Variants in ABRAXAS2 observed in about 807,000 individuals in gnomAD.
The protein encoded by ABRAXAS2 is abraxas 2, BRISC complex subunit, also known as BRISC complex subunit Abraxas 2.
ABRAXAS2 carries 23 observed loss-of-function variants against 49.0 expected under a neutral mutation model. The ratio of observed to expected loss-of-function variants is 0.47; its 90% CI spans 0.34 to 0.66. The LOEUF (loss-of-function observed/expected upper bound fraction) is 0.66, where lower values mean the gene tolerates loss of function less well. Ranked by LOEUF, ABRAXAS2 falls within the 30% of genes least tolerant of loss-of-function variation. The pLI, the probability that ABRAXAS2 is intolerant of heterozygous loss-of-function variation, is 0.01. For synonymous variants in ABRAXAS2, 168 were observed against 180.2 expected (o/e 0.93, Z 0.54); for missense variants, 443 against 511.9 (o/e 0.87, Z 1.30).
At chr10:124,818,858 G>A (rs1950842676) in intron 3 of ABRAXAS2, among the ~76,000 whole-genome samples, 1 of 152,190 alleles carries the variant, frequency 6.6e-6, no homozygotes, top group African/African-American at 2.4e-5. Context: ...TTTGGAGGAA[G>A]TCACTTGGCC....
chr10:124,828,039 A>G (rs1356628710), intron 5 of ABRAXAS2, among the ~76,000 whole-genome samples: 1 of 152,212 alleles, frequency 6.6e-6, no homozygotes, highest in Admixed American at 6.5e-5. Context: ...TTTACTTTAC[A>G]GAAGGGAAAA....
chr10:124,804,333 A>G (rs1431947527), intron 1 of ABRAXAS2, among the ~76,000 whole-genome samples: 1 of 152,250 alleles, frequency 6.6e-6, no homozygotes, highest in Non-Finnish European at 1.5e-5. Flanking sequence ...TATTTATAGT[A>G]TAAGTATATC....
chr10:124,808,022 C>G (rs1394571301), intron 2 of ABRAXAS2, among the ~76,000 whole-genome samples: 2 of 152,172 alleles, frequency 1.3e-5, no homozygotes, highest in African/African-American at 4.8e-5. Flanking sequence ...ATGAAGGAGT[C>G]TTTATAGCTA....
At chr10:124,804,968 C>T (rs532808509) in intron 1 of ABRAXAS2, among the ~76,000 whole-genome samples, 1 of 152,054 alleles carries the variant, frequency 6.6e-6, no homozygotes, top group South Asian at 2.1e-4. Flanking sequence ...CCCACCTTGG[C>T]CTCCCAAAGT....
intron 1 of ABRAXAS2, among the ~76,000 whole-genome samples, chr10:124,806,574 A>C (rs1303625286): frequency 6.6e-6 from 1 of 152,186 alleles, no homozygotes; most frequent in Non-Finnish European, 1.5e-5. Flanking sequence ...GATGAAATTC[A>C]CTCTTCCAAA....
chr10:124,818,398 CAAA>C (rs754223417), intron 3 of ABRAXAS2, among the ~76,000 whole-genome samples: 19 of 59,790 alleles, frequency 3.2e-4, no homozygotes, highest in African/African-American at 7.0e-4. Flanking sequence ...TCCATCTCAA[CAAA>C]AAAAAAAAAA....
rs565878814 is a variant in ABRAXAS2, at chr10:124,832,869, C to T, written c.778+1406C>T. Among the ~76,000 whole-genome samples, 34 of 148,250 alleles carry T rather than the reference C, an allele frequency of 2.3e-4. No individual in the cohort carries two copies. In the East Asian group the frequency reaches 5.1e-3, roughly 22 times the overall value. ...AAAAAATAAAATAAAATAAAGAGGCCGGGCATGCTGGCTCACACGTGTAAT... is the reference window on the plus strand; with the variant it reads ...AAAAAATAAAATAAAATAAAGAGGCTGGGCATGCTGGCTCACACGTGTAAT... On this transcript the variant is annotated intron_variant, in intron 8 of 8. Transcript: ENST00000298492.
intron 8 of ABRAXAS2, 96 bp downstream of exon 8, chr10:124,831,559 C>T (rs1950932851): frequency 9.5e-6 from 6 of 629,688 alleles, no homozygotes; most frequent in Non-Finnish European, 1.6e-5. Context: ...TCTTTCTACG[C>T]TCATCCAGTC....
intron 2 of ABRAXAS2, among the ~76,000 whole-genome samples, chr10:124,809,327 T>C (rs553914341): frequency 1.3e-5 from 2 of 152,120 alleles, no homozygotes; most frequent in Non-Finnish European, 2.9e-5. Flanking sequence ...TCTGGCTCTG[T>C]TGCCCAGGCT....
chr10:124,834,695 C>A lies in ABRAXAS2; in HGVS notation c.972C>A (p.Arg324=), dbSNP rs1453717631. Residue 324 remains arginine, a synonymous_variant, in exon 9 of 9, where the codon CGC becomes CGA. Transcript: ENST00000298492. ...AAGAAAGTACTTTGAGCCACTCTCG[C>A]ATGGAAAGGAGTGTCTTTATGCCTC... ...NNQESTLSHS[R]MERSVFMPRP... 3 of 1,614,034 alleles carry A rather than the reference C, an allele frequency of 1.9e-6. No homozygotes were observed. In the East Asian group the frequency reaches 6.7e-5, roughly 36 times the overall value.
intron 1 of ABRAXAS2, among the ~76,000 whole-genome samples, chr10:124,803,752 T>G (rs539623770): frequency 1.3e-5 from 2 of 152,216 alleles, no homozygotes; most frequent in East Asian, 3.9e-4. Context: ...AAATATAAAA[T>G]TAGCCAGGCG....
intron 4 of ABRAXAS2, among the ~76,000 whole-genome samples, chr10:124,825,989 G>C (rs553026223): frequency 6.6e-6 from 1 of 152,282 alleles, no homozygotes; most frequent in East Asian, 1.9e-4. Context: ...ATTATGAGAA[G>C]TATTCTTCCA....
At chr10:124,806,224 T>A (rs1178058065) in intron 1 of ABRAXAS2, among the ~76,000 whole-genome samples, 3 of 150,902 alleles carry the variant, frequency 2.0e-5, no homozygotes, top group Non-Finnish European at 4.4e-5. Flanking sequence ...GAGAATGGCA[T>A]GAACCCGGAA....
chr10:124,806,057 T>C (rs1950740119), intron 1 of ABRAXAS2, among the ~76,000 whole-genome samples: 1 of 152,088 alleles, frequency 6.6e-6, no homozygotes, highest in Non-Finnish European at 1.5e-5. Context: ...TCCCAGCACT[T>C]TGGGAGGCCC....
intron 2 of ABRAXAS2, among the ~76,000 whole-genome samples, chr10:124,807,510 G>A (rs562962290): frequency 3.4e-4 from 52 of 151,098 alleles, no homozygotes; most frequent in African/African-American, 1.1e-3. Context: ...AAAATTAGCC[G>A]GGCGTGGTGG....
At chr10:124,819,025 T>G (rs1484152839) in intron 3 of ABRAXAS2, among the ~76,000 whole-genome samples, 1 of 152,222 alleles carries the variant, frequency 6.6e-6, no homozygotes, top group African/African-American at 2.4e-5. Flanking sequence ...ACTTCCCTTC[T>G]TCATTTCTCA....
chr10:124,813,132 C>T lies in ABRAXAS2; in HGVS notation c.164-3444C>T, dbSNP rs571363643. ...ACGAGAATCGCTTGAATGTGGGAGG[C>T]GGAGGTTGCAGTGAGTCGAGATCGT... On this transcript the variant is annotated intron_variant, in intron 2 of 8. Coordinates refer to ENST00000298492, the MANE Select transcript of ABRAXAS2 (RefSeq NM_032182.4). Among the ~76,000 whole-genome samples the T allele has an allele frequency of 4.6e-5, 7 of 151,990 alleles. No homozygotes were observed. The South Asian group carries it at 6.2e-4, about 14-fold the overall frequency.
Position 124,806,821 on chromosome 10 carries a change from T to C in ABRAXAS2, c.73-10T>C. The C allele has an allele frequency of 2.6e-6, 4 of 1,565,400 alleles. No homozygotes were observed. Among genetic ancestry groups the C allele is most frequent in the Non-Finnish European group, 3.5e-6 (4 of 1,147,796 alleles). ...TTTAGTCTGCAATTATTTTCTTTAA[T>C]TACTTTTAGGAAGGATTTTTACTGG... On this transcript the variant is annotated splice_polypyrimidine_tract_variant and intron_variant, in intron 1 of 8. Coordinates refer to ENST00000298492, the MANE Select transcript of ABRAXAS2 (RefSeq NM_032182.4).
intron 5 of ABRAXAS2, among the ~76,000 whole-genome samples, chr10:124,827,489 G>A (rs1950904430): frequency 6.6e-6 from 1 of 151,988 alleles, no homozygotes; most frequent in Non-Finnish European, 1.5e-5. Context: ...GTTACGGAAG[G>A]TATTTTTCTT....
Sources: gnomAD v4.1 joint callset for allele counts (sites outside exome capture counted in the v4.1 genomes callset) on GRCh38, gnomAD v4.1.1 for gene constraint, MANE v1.5 for transcripts, NCBI Gene and HGNC (gene_info 2026-07-23, HGNC 2026-07-21) for gene names.